The following DLG2 variants were observed in gnomAD, a reference collection of about 807,000 sequenced individuals.
The protein encoded by DLG2 is discs large MAGUK scaffold protein 2.
DLG2 carries 45 observed loss-of-function variants against 132.5 expected under a neutral mutation model. That is an observed-to-expected ratio of 0.34 (90% confidence interval 0.27 to 0.44). The LOEUF (loss-of-function observed/expected upper bound fraction) is 0.44. DLG2 is among the 20% of genes least tolerant of loss of function. The pLI is 1.00. For missense variants in DLG2, 1,045 were observed against 1,196.9 expected, an observed-to-expected ratio of 0.87 and a Z score of 1.87; for synonymous variants, 424 against 419.6, an observed-to-expected ratio of 1.01 and a Z score of -0.13.
At chr11:83,727,110 G>C (rs1334210739) in intron 18 of DLG2, among the ~76,000 whole-genome samples, 2 of 152,188 alleles carry the variant, frequency 1.3e-5, no homozygotes. Flanking sequence ...AACAATATAA[G>C]AGCAGCTCCT....
intron 3 of DLG2, among the ~76,000 whole-genome samples, chr11:85,427,543 G>A (rs2090854767): frequency 6.6e-6 from 1 of 152,110 alleles, no homozygotes; most frequent in South Asian, 2.1e-4. Context: ...ATAAGTGAAG[G>A]AGAAACAAAA....
At chr11:85,275,698 T>A (rs1211921166) in intron 4 of DLG2, among the ~76,000 whole-genome samples, 1 of 152,168 alleles carries the variant, frequency 6.6e-6, no homozygotes, top group African/African-American at 2.4e-5. Flanking sequence ...TTGAAAACTA[T>A]GCTTCCTTTA....
Position 85,081,953 on chromosome 11 carries a change from T to C in DLG2, c.357+29708A>G, listed in dbSNP as rs115796051. Among the ~76,000 whole-genome samples, 105 of 152,254 alleles carry C rather than the reference T, an allele frequency of 6.9e-4. 1 individual carries two copies. Among genetic ancestry groups the C allele is most frequent in the African/African-American group, 2.3e-3 (94 of 41,562 alleles). ...TAAGAAGAATCTAGACAAACAGGCC[T>C]TGCTGAGTTTCCCCACACAGGCTAC... On this transcript the variant is annotated intron_variant, in intron 6 of 27. Transcript: ENST00000376104.
intron 16 of DLG2, among the ~76,000 whole-genome samples, chr11:83,856,774 T>C (rs1330875789): frequency 6.6e-6 from 1 of 152,202 alleles, no homozygotes; most frequent in Non-Finnish European, 1.5e-5. Context: ...ATTCTGTAGG[T>C]GGTCAGTTTA....
At chr11:84,634,553 C>T (rs2099637385) in intron 6 of DLG2, among the ~76,000 whole-genome samples, 1 of 152,184 alleles carries the variant, frequency 6.6e-6, no homozygotes, top group South Asian at 2.1e-4. Flanking sequence ...ACCTTACTTT[C>T]ATTTTCTGTA....
chr11:84,534,171 C>A (rs1459341947), intron 7 of DLG2, among the ~76,000 whole-genome samples: 1 of 152,124 alleles, frequency 6.6e-6, no homozygotes, highest in Non-Finnish European at 1.5e-5. Flanking sequence ...ATAGTTTAGA[C>A]AGTAAAGCAA....
chr11:83,774,047 T>C (rs865804614), intron 18 of DLG2, among the ~76,000 whole-genome samples: 20 of 152,078 alleles, frequency 1.3e-4, no homozygotes, highest in Non-Finnish European at 2.4e-4. Context: ...CTGGCTGGAG[T>C]GGGACTGGGG....
chr11:84,734,097 C>G (rs2063510600), intron 6 of DLG2, among the ~76,000 whole-genome samples: 1 of 152,142 alleles, frequency 6.6e-6, no homozygotes, highest in Admixed American at 6.5e-5. Flanking sequence ...GTTCTCTTGG[C>G]TTAGGATTGA....
intron 6 of DLG2, among the ~76,000 whole-genome samples, chr11:84,582,891 G>A (rs551936826): frequency 6.6e-6 from 1 of 152,198 alleles, no homozygotes; most frequent in Admixed American, 6.5e-5. Context: ...AGGTGTTGCA[G>A]TAAGTAGTTC....
At chr11:85,179,558 A>G (rs1355258776) in intron 4 of DLG2, among the ~76,000 whole-genome samples, 3 of 151,730 alleles carry the variant, frequency 2.0e-5, no homozygotes, top group Non-Finnish European at 4.4e-5. Context: ...CCAAAAAGAT[A>G]ACCAATTAAA....
intron 11 of DLG2, among the ~76,000 whole-genome samples, chr11:84,022,241 C>A (rs1480224245): frequency 6.6e-6 from 1 of 152,188 alleles, no homozygotes; most frequent in East Asian, 1.9e-4. Context: ...ATCCTTTTCT[C>A]TGACCCCAAA....
intron 7 of DLG2, among the ~76,000 whole-genome samples, chr11:84,522,063 G>C (rs2099303705): frequency 6.6e-6 from 1 of 152,018 alleles, no homozygotes. Context: ...AGCTACTTGG[G>C]AAGCTGAAGC....
intron 3 of DLG2, among the ~76,000 whole-genome samples, chr11:85,365,545 A>G (rs1417981214): frequency 6.6e-6 from 1 of 152,206 alleles, no homozygotes; most frequent in Non-Finnish European, 1.5e-5. Context: ...GGTATCTAGA[A>G]CCAGAAATAC....
At chr11:85,467,410 A>G (rs1039605973) in intron 3 of DLG2, among the ~76,000 whole-genome samples, 1 of 152,132 alleles carries the variant, frequency 6.6e-6, no homozygotes, top group African/African-American at 2.4e-5. Flanking sequence ...GAATGCTTCC[A>G]GTTTTTGCCC....
chr11:85,097,808 G>C (rs770038054), intron 6 of DLG2, among the ~76,000 whole-genome samples: 1 of 152,172 alleles, frequency 6.6e-6, no homozygotes, highest in East Asian at 1.9e-4. Flanking sequence ...GGCCAAGAAA[G>C]TCCCTAGACC....
chr11:85,381,239 C>A (rs974593039), intron 3 of DLG2, among the ~76,000 whole-genome samples: 6 of 152,076 alleles, frequency 3.9e-5, no homozygotes, highest in Non-Finnish European at 7.4e-5. Context: ...CAAGTGAAGC[C>A]AGAAATTCAG....
At chr11:85,546,030 T>C (rs1465750807) in intron 3 of DLG2, among the ~76,000 whole-genome samples, 1 of 152,242 alleles carries the variant, frequency 6.6e-6, no homozygotes, top group Non-Finnish European at 1.5e-5. Context: ...TGGCTTCTGC[T>C]AGCATTTGAA....
intron 4 of DLG2, among the ~76,000 whole-genome samples, chr11:85,263,042 T>A (rs1000826923): frequency 6.6e-6 from 1 of 152,158 alleles, no homozygotes; most frequent in African/African-American, 2.4e-5. Flanking sequence ...AACCATAATT[T>A]CTCTCAGGGC....
At chr11:85,306,895 C>G (rs2079986341) in intron 3 of DLG2, among the ~76,000 whole-genome samples, 2 of 152,056 alleles carry the variant, frequency 1.3e-5, no homozygotes, top group South Asian at 4.1e-4. Flanking sequence ...TTAATGTAAC[C>G]TGGAAGACTG....
Sources: gnomAD v4.1 joint callset for allele counts (sites outside exome capture counted in the v4.1 genomes callset) on GRCh38, gnomAD v4.1.1 for gene constraint, MANE v1.5 for transcripts, NCBI Gene and HGNC (gene_info 2026-07-23, HGNC 2026-07-21) for gene names.